The following NBAS variants were observed in gnomAD, a reference collection of about 807,000 sequenced individuals.
The protein encoded by NBAS is NBAS subunit of NRZ tethering complex.
In NBAS, 219 loss-of-function variants were observed where a neutral mutation model predicts 302.5. That is an observed-to-expected ratio of 0.72 (90% confidence interval 0.65 to 0.81). The LOEUF is 0.81. NBAS is among the 30% of genes least tolerant of loss of function. The pLI is 0.00. For missense variants in NBAS, 2,932 were observed against 2,841.6 expected, an observed-to-expected ratio of 1.03 and a Z score of -0.72; for synonymous variants, 1,118 against 1,021.6, an observed-to-expected ratio of 1.09 and a Z score of -1.80.
At chr2:14,808,020 C>G in the NBAS span, among the ~76,000 whole-genome samples, 5,322 of 152,212 alleles carry the variant, frequency 0.035, 109 homozygotes, top group Middle Eastern at 0.15. Context: ...TTTTACCATA[C>G]TCATCTTTAA....
At chr2:15,184,440 C>A (rs1036005588) in intron 50 of NBAS, among the ~76,000 whole-genome samples, 1 of 151,772 alleles carries the variant, frequency 6.6e-6, no homozygotes, top group African/African-American at 2.4e-5. Context: ...TGTTTTCCTG[C>A]AACTAGATGG....
At chr2:14,978,959 A>ACC in the NBAS span, among the ~76,000 whole-genome samples, 2 of 152,194 alleles carry the variant, frequency 1.3e-5, no homozygotes, top group African/African-American at 4.8e-5. Flanking sequence ...ACTTGAATAG[A>ACC]AGTTTCACTG....
chr2:15,005,720 T>C, the NBAS span, among the ~76,000 whole-genome samples: 9 of 152,236 alleles, frequency 5.9e-5, no homozygotes, highest in Non-Finnish European at 1.3e-4. Flanking sequence ...CATGTGACCC[T>C]AAACAAGCCT....
chr2:14,955,206 C>T, the NBAS span, among the ~76,000 whole-genome samples: 6 of 152,192 alleles, frequency 3.9e-5, no homozygotes, highest in Non-Finnish European at 7.3e-5. Flanking sequence ...CTTAAAGTTC[C>T]GAAATGATCT....
chr2:15,070,669 T>C, the NBAS span, among the ~76,000 whole-genome samples: 2 of 152,280 alleles, frequency 1.3e-5, no homozygotes, highest in South Asian at 4.1e-4. Context: ...TTCCCTTCCA[T>C]GGAAAATTCC....
chr2:14,912,283 A>C, the NBAS span, among the ~76,000 whole-genome samples: 3 of 152,222 alleles, frequency 2.0e-5, no homozygotes, highest in African/African-American at 7.2e-5. Context: ...GTGCCTGTCC[A>C]TAGTATTTTT....
At chr2:15,249,643 A>G (rs1487898049) in intron 44 of NBAS, among the ~76,000 whole-genome samples, 1 of 152,236 alleles carries the variant, frequency 6.6e-6, no homozygotes, top group Non-Finnish European at 1.5e-5. Context: ...ATGTGCAAAA[A>G]TCACAAGCAT....
In NBAS at chr2:15,315,061, T is replaced by G. The variant is rs1671444456; in HGVS notation, c.4583-5814A>C. ...AAGACTTTCTAGGGTGGCAATAAGG[T>G]CTGCATCTTGACAGGAGTGAGGGTT... On this transcript the variant is annotated intron_variant, in intron 38 of 51. Coordinates refer to ENST00000281513, the MANE Select transcript of NBAS (RefSeq NM_015909.4). Among the ~76,000 whole-genome samples, 5 of 152,330 alleles carry G rather than the reference T, an allele frequency of 3.3e-5. 1 individual carries two copies. The South Asian group carries it at 8.3e-4, about 25-fold the overall frequency.
At chr2:14,836,589 T>C in the NBAS span, among the ~76,000 whole-genome samples, 4 of 151,946 alleles carry the variant, frequency 2.6e-5, no homozygotes, top group African/African-American at 4.8e-5. Context: ...CATTTGACTA[T>C]TCATCTATAT....
intron 5 of NBAS, among the ~76,000 whole-genome samples, chr2:15,551,793 C>T (rs1664398617): frequency 6.6e-6 from 1 of 152,100 alleles, no homozygotes; most frequent in Non-Finnish European, 1.5e-5. Context: ...GTGAATTTAC[C>T]GTGGTCTTTT....
At chr2:15,224,434 T>C (rs1246147770) in intron 47 of NBAS, among the ~76,000 whole-genome samples, 1 of 152,230 alleles carries the variant, frequency 6.6e-6, no homozygotes, top group Non-Finnish European at 1.5e-5. Flanking sequence ...TTGAGATTTC[T>C]TGTAAATATA....
chr2:15,379,188 C>G (rs1234787678), intron 30 of NBAS, among the ~76,000 whole-genome samples: 1 of 99,342 alleles, frequency 1.0e-5, no homozygotes, highest in East Asian at 2.1e-4. Context: ...GGTCCCTTGT[C>G]TCTCTCTCTT....
the NBAS span, among the ~76,000 whole-genome samples, chr2:15,135,897 A>G: frequency 6.6e-6 from 1 of 151,920 alleles, no homozygotes; most frequent in Non-Finnish European, 1.5e-5. Context: ...TCACACACAG[A>G]AAAATCTCAT....
chr2:15,241,774 A>C (rs1667876941), intron 44 of NBAS, among the ~76,000 whole-genome samples: 1 of 150,918 alleles, frequency 6.6e-6, no homozygotes, highest in South Asian at 2.1e-4. Flanking sequence ...AATTTGTCAC[A>C]TGTTTCCCTT....
intron 12 of NBAS, among the ~76,000 whole-genome samples, chr2:15,479,025 C>T (rs13407194): frequency 0.026 from 3,883 of 152,214 alleles, 177 homozygotes; most frequent in African/African-American, 0.089. Context: ...CGTTGCTATA[C>T]TTAAGTCAAA....
chr2:15,487,535 G>A (rs914701686), intron 12 of NBAS, among the ~76,000 whole-genome samples: 1 of 152,132 alleles, frequency 6.6e-6, no homozygotes, highest in Admixed American at 6.6e-5. Context: ...TGTACAGAGT[G>A]GACCCATGCA....
At chr2:15,248,361 A>C (rs1277467807) in intron 44 of NBAS, among the ~76,000 whole-genome samples, 1 of 152,228 alleles carries the variant, frequency 6.6e-6, no homozygotes. Flanking sequence ...AGAAACACCT[A>C]AAGTTGACAC....
intron 9 of NBAS, among the ~76,000 whole-genome samples, chr2:15,529,976 C>A (rs146870311): frequency 6.6e-6 from 1 of 152,072 alleles, no homozygotes; most frequent in Non-Finnish European, 1.5e-5. Context: ...AATGTAAAGA[C>A]CTCTAACTTC....
At chr2:15,431,952 C>T (rs141780690) in intron 21 of NBAS, among the ~76,000 whole-genome samples, 138 of 152,120 alleles carry the variant, frequency 9.1e-4, no homozygotes, top group African/African-American at 3.2e-3. Context: ...ATTTTAGCTA[C>T]TTATTCTTTC....
Sources: allele counts gnomAD v4.1 joint callset (sites outside exome capture counted in the v4.1 genomes callset), GRCh38; gene constraint gnomAD v4.1.1; transcripts MANE v1.5; gene names NCBI Gene and HGNC (gene_info 2026-07-23, HGNC 2026-07-21).